Variants in MATN2 observed in about 807,000 individuals in gnomAD.
The protein encoded by MATN2 is matrilin 2, also known as matrilin-2.
Under a neutral mutation model 103.2 loss-of-function variants are expected in MATN2, and 69 were observed. That is an observed-to-expected ratio of 0.67 (90% CI 0.55 to 0.82). The LOEUF (loss-of-function observed/expected upper bound fraction) is 0.82. MATN2 is among the 40% of genes least tolerant of loss of function. The pLI is 0.00. For synonymous variants in MATN2, 429 were observed against 450.2 expected (o/e 0.95, Z 0.60); for missense variants, 1,023 against 1,211.5 (o/e 0.84, Z 2.31).
intron 8 of MATN2, among the ~76,000 whole-genome samples, chr8:98,006,402 A>G (rs531304533): frequency 1.3e-5 from 2 of 152,220 alleles, no homozygotes; most frequent in Non-Finnish European, 2.9e-5. Context: ...AGCGCTTTAC[A>G]TAATCAACCC....
intron 2 of MATN2, among the ~76,000 whole-genome samples, chr8:97,906,826 A>C (rs1819184552): frequency 1.3e-5 from 2 of 152,106 alleles, no homozygotes; most frequent in African/African-American, 4.8e-5. Context: ...ATTTAATTAC[A>C]GAATAGGTGT....
intron 1 of MATN2, among the ~76,000 whole-genome samples, chr8:97,879,483 G>A (rs377332473): frequency 9.9e-5 from 15 of 152,200 alleles, no homozygotes; most frequent in African/African-American, 3.1e-4. Context: ...CCCAAGGCAG[G>A]GAGGGCAGTT....
chr8:97,919,478 C>A (rs1324931485), intron 2 of MATN2, among the ~76,000 whole-genome samples: 27 of 152,112 alleles, frequency 1.8e-4, no homozygotes, highest in Non-Finnish European at 4.4e-5. Context: ...GTGATCCACC[C>A]ACCTCGGCCT....
chr8:97,977,961 C>T (rs950052138), intron 5 of MATN2, among the ~76,000 whole-genome samples: 3 of 152,186 alleles, frequency 2.0e-5, no homozygotes, highest in African/African-American at 4.8e-5. Context: ...ACCTGCTACC[C>T]ACTCCCCCAC....
chr8:97,928,538 C>A (rs1238226052), intron 2 of MATN2, among the ~76,000 whole-genome samples: 3 of 152,154 alleles, frequency 2.0e-5, no homozygotes, highest in East Asian at 1.9e-4. Flanking sequence ...AAAGCACCCC[C>A]CTTAAGGTGC....
intron 1 of MATN2, among the ~76,000 whole-genome samples, chr8:97,877,720 C>T (rs1330398641): frequency 6.6e-6 from 1 of 152,112 alleles, no homozygotes; most frequent in Non-Finnish European, 1.5e-5. Flanking sequence ...GTATTTAGCA[C>T]TGGTGCCAAA....
intron 6 of MATN2, among the ~76,000 whole-genome samples, chr8:97,981,247 T>C (rs948047491): frequency 1.3e-5 from 2 of 151,938 alleles, no homozygotes; most frequent in African/African-American, 4.8e-5. Flanking sequence ...ATTATCATTA[T>C]GTTTTTTTAG....
At chr8:97,952,679 A>AT (rs1359209972) in intron 4 of MATN2, among the ~76,000 whole-genome samples, 3 of 152,156 alleles carry the variant, frequency 2.0e-5, no homozygotes, top group Non-Finnish European at 2.9e-5. Context: ...AGACTGAGTT[A>AT]TCCCTCTTAA....
rs1028019724 is a variant in MATN2 at position 97,942,710 on chromosome 8, G to T, written c.835+811G>T. On this transcript the variant is annotated intron_variant, in intron 4 of 18. Transcript: ENST00000254898. The stretch of plus-strand genomic sequence containing the variant: ...TGCATAACTGTTGCCATGTGTAATT[G>T]TTGCAGTGTGTCATTGTTGCAATGT... 2.8e-4 allele frequency among the ~76,000 whole-genome samples: 42 copies of T among 152,196 alleles called. 1 individual carries two copies. The highest frequency in any genetic ancestry group is 5.9e-5 in the Non-Finnish European group (4 of 68,026).
intron 6 of MATN2, 102 bp downstream of exon 6, chr8:97,979,110 T>C: frequency 7.4e-7 from 1 of 1,356,154 alleles, no homozygotes; most frequent in African/African-American, 1.5e-5. Context: ...AATATAATTA[T>C]GTCATGGGGG....
rs773283216 is a variant in MATN2 at position 97,888,152 on chromosome 8, C to T, written c.52C>T (p.Leu18Phe). 1.2e-6 allele frequency: 2 copies of T among 1,609,350 alleles called. No individual in the cohort carries two copies. The highest frequency in any genetic ancestry group is 1.7e-5 in the Admixed American group (1 of 59,326). ...TCTGCTGATCCTCGGACAGATCGTCCTCCTCCCTGCCGAGGCCAGGGAGCG... is the reference window on the plus strand; with the variant it reads ...TCTGCTGATCCTCGGACAGATCGTCTTCCTCCCTGCCGAGGCCAGGGAGCG... ...CFLLILGQIVLLPAEARERSR... is the reference protein window; with the variant it reads ...CFLLILGQIVFLPAEARERSR... The change falls in exon 2 of 19, where the codon CTC (leucine) becomes TTC (phenylalanine). Residue 18 changes from leucine (L) to phenylalanine (F), a missense_variant. Leu to Phe is a conservative substitution (Grantham distance 22). Coordinates refer to ENST00000254898, the MANE Select transcript of MATN2 (RefSeq NM_002380.5).
At position 98,005,098 on chromosome 8, in the gene MATN2, G is replaced by A. The variant is rs187579149; in HGVS notation, c.1327+1315G>A. Reference sequence around the variant, plus strand: ...GCAGCTGTTGAGCCCTGGGCTCCACGCTGCCAGCAGGGAAGTTTCCCAGAT... The same window carrying A: ...GCAGCTGTTGAGCCCTGGGCTCCACACTGCCAGCAGGGAAGTTTCCCAGAT... On this transcript the variant is annotated intron_variant, in intron 8 of 18. Coordinates refer to ENST00000254898, the MANE Select transcript of MATN2 (RefSeq NM_002380.5). This position sits in a 1 kb window ranked among gnomAD's most constrained non-coding sequence, Gnocchi z 4.6. Among the ~76,000 whole-genome samples the A allele has an allele frequency of 3.9e-5, 6 of 152,326 alleles. No individual in the cohort carries two copies. The highest frequency in any genetic ancestry group is 2.1e-4 in the South Asian group (1 of 4,822).
At chr8:97,905,263 G>A (rs775668006) in intron 2 of MATN2, among the ~76,000 whole-genome samples, 16 of 151,956 alleles carry the variant, frequency 1.1e-4, no homozygotes, top group Admixed American at 3.3e-4. Context: ...TATTTTAACC[G>A]TTTATAGTAC....
At chr8:97,878,331 A>G (rs900185884) in intron 1 of MATN2, among the ~76,000 whole-genome samples, 5 of 152,120 alleles carry the variant, frequency 3.3e-5, no homozygotes, top group Admixed American at 3.3e-4. Flanking sequence ...TGGGAGGCCA[A>G]GGCTGGAGGA....
chr8:98,007,330 C>T lies in MATN2; in HGVS notation c.1450+103C>T. The T allele has an allele frequency of 1.3e-6, 2 of 1,568,884 alleles. No individual in the cohort carries two copies. Among genetic ancestry groups the T allele is most frequent in the South Asian group, 1.2e-5 (1 of 86,722 alleles). On this transcript the variant is annotated intron_variant, in intron 9 of 18. Transcript: ENST00000254898. The surrounding 1 kb of genome is among the most constrained non-coding windows in gnomAD (Gnocchi z 4.2). ...TTGTACTTGGGCACCCCTCCCCTGC[C>T]CCTTGCTCTGCTCCAGGAGATAGTG...
chr8:98,031,679 T>C (rs930014460), intron 15 of MATN2: 1 of 152,270 alleles, frequency 6.6e-6, no homozygotes, highest in African/African-American at 2.4e-5. Flanking sequence ...CAGATTTTGT[T>C]ATGCATGCTT....
Position 97,933,261 on chromosome 8 carries a change from C to T in MATN2, c.712+1739C>T, listed in dbSNP as rs57547307. ...TGTTGTGGTGTGTTGTGGCCTAAGT[C>T]AGCTGGAACACTTCAATCAGCAGAA... On this transcript the variant is annotated intron_variant, in intron 3 of 18. Coordinates refer to ENST00000254898, the MANE Select transcript of MATN2 (RefSeq NM_002380.5). 7.2e-3 allele frequency among the ~76,000 whole-genome samples: 1,095 copies of T among 152,324 alleles called. 17 individuals carry two copies. Among genetic ancestry groups the T allele is most frequent in the African/African-American group, 0.025 (1,050 of 41,560 alleles).
intron 11 of MATN2, among the ~76,000 whole-genome samples, 170 bp from the exon 12 acceptor site, chr8:98,017,824 A>C (rs1813418068): frequency 6.6e-6 from 1 of 152,250 alleles, no homozygotes; most frequent in Non-Finnish European, 1.5e-5. Flanking sequence ...GTTAGCCCGA[A>C]TTAGAGCCGC....
intron 8 of MATN2, 146 bp downstream of exon 8, chr8:98,003,929 TCA>T: frequency 1.1e-6 from 1 of 878,146 alleles, no homozygotes; most frequent in Non-Finnish European, 1.8e-6. Context: ...CTCAGTTTCA[TCA>T]CCCATAGAAT....
Sources: gnomAD v4.1 joint callset for allele counts (sites outside exome capture counted in the v4.1 genomes callset) on GRCh38, gnomAD v4.1.1 for gene constraint, Gnocchi (gnomAD v3.1) non-coding constraint, MANE v1.5 for transcripts, NCBI Gene and HGNC (gene_info 2026-07-23, HGNC 2026-07-21) for gene names.